Variants in ANKRD17 observed in about 807,000 individuals in gnomAD.
ANKRD17 encodes ankyrin repeat domain-containing protein 17.
Under a neutral mutation model 229.7 loss-of-function variants are expected in ANKRD17, and 19 were observed. That is an observed-to-expected ratio of 0.08 (90% CI 0.06 to 0.12). The LOEUF (loss-of-function observed/expected upper bound fraction) is 0.12. Among genes scored for constraint, ANKRD17 ranks in the 10% least tolerant of loss-of-function variants. ANKRD17 has a pLI of 1.00. For synonymous variants in ANKRD17, 1,112 were observed against 1,146.1 expected (o/e 0.97, Z 0.60); for missense variants, 2,176 against 3,176.8 (o/e 0.68, Z 7.57).
chr4:73,113,063 C>T, intron 24 of ANKRD17: 1 of 1,146,378 alleles, frequency 8.7e-7, no homozygotes, highest in South Asian at 1.8e-5. Flanking sequence ...GCTGGGAATA[C>T]AGGCGTGAGC....
intron 7 of ANKRD17, among the ~76,000 whole-genome samples, chr4:73,150,790 T>A (rs1560601811): frequency 6.6e-6 from 1 of 152,106 alleles, no homozygotes. Context: ...GTGTCATAAA[T>A]AAACAAAGAT....
At chr4:73,077,998 C>T (rs1394027216) in intron 31 of ANKRD17, among the ~76,000 whole-genome samples, 2 of 151,500 alleles carry the variant, frequency 1.3e-5, no homozygotes, top group African/African-American at 4.8e-5. Context: ...GCCTGTAATG[C>T]CAGCACTTTG....
intron 16 of ANKRD17, among the ~76,000 whole-genome samples, chr4:73,129,189 T>C (rs1727859432): frequency 6.6e-6 from 1 of 152,204 alleles, no homozygotes; most frequent in Non-Finnish European, 1.5e-5. Flanking sequence ...TGCCATAATA[T>C]ATACACCATT....
chr4:73,173,561 A>G (rs565958516), intron 2 of ANKRD17, among the ~76,000 whole-genome samples: 1 of 152,312 alleles, frequency 6.6e-6, no homozygotes, highest in East Asian at 1.9e-4. Flanking sequence ...GAAAACCAAA[A>G]TAATTCACAG....
intron 22 of ANKRD17, among the ~76,000 whole-genome samples, chr4:73,116,899 T>C (rs1172654774): frequency 6.6e-6 from 1 of 152,018 alleles, no homozygotes; most frequent in Non-Finnish European, 1.5e-5. Context: ...AGCCCACAGT[T>C]GCACATGTTA....
chr4:73,236,100 C>A (rs1043533081), intron 1 of ANKRD17, among the ~76,000 whole-genome samples: 8 of 152,088 alleles, frequency 5.3e-5, no homozygotes, highest in African/African-American at 1.9e-4. Flanking sequence ...GTTGTGATTA[C>A]TGGGGACAGA....
At chr4:73,236,334 T>C (rs182473375) in intron 1 of ANKRD17, among the ~76,000 whole-genome samples, 1 of 152,202 alleles carries the variant, frequency 6.6e-6, no homozygotes, top group East Asian at 1.9e-4. Context: ...TTTTAAATTT[T>C]TGTAGAGATG....
chr4:73,113,424 T>C, intron 24 of ANKRD17: 2 of 1,263,512 alleles, frequency 1.6e-6, no homozygotes, highest in South Asian at 2.5e-5. Context: ...TTGGTACTTG[T>C]GATAAACCTG....
rs111686688 is a variant in ANKRD17, at chr4:73,102,871, T to C, written c.4402-324A>G. 337 of 228,532 alleles carry C rather than the reference T, an allele frequency of 1.5e-3. 5 individuals are homozygous for C. The South Asian group carries it at 0.016, about 11-fold the overall frequency. 14.2% of individuals were successfully genotyped at this position (228,532 alleles called of 1,614,324 possible). ...ATTAATTTGGCGAAATTTAAAAAGG[T>C]ATCAGATATCAGCACAAGTTTGAGA... is the stretch of plus-strand genomic sequence containing the variant. On this transcript the variant is annotated intron_variant, in intron 24 of 33. Transcript: ENST00000358602.
chr4:73,201,677 T>C (rs571615775), intron 1 of ANKRD17, among the ~76,000 whole-genome samples: 1 of 152,330 alleles, frequency 6.6e-6, no homozygotes, highest in South Asian at 2.1e-4. Flanking sequence ...TATGAGATTT[T>C]GTAATTAAGT....
Position 73,076,735 on chromosome 4 carries a change from T to C in ANKRD17, c.7752+205A>G, listed in dbSNP as rs546910638. On this transcript the variant is annotated intron_variant, in intron 33 of 33. Transcript: ENST00000358602. ...ATTTATTATCTGCTACCCAGTAGAATATACAATACCTTTCATAATTTTAGC... is the reference window on the plus strand; with the variant it reads ...ATTTATTATCTGCTACCCAGTAGAACATACAATACCTTTCATAATTTTAGC... Among the ~76,000 whole-genome samples, 18 of 152,318 alleles carry C rather than the reference T, an allele frequency of 1.2e-4. No individual in the cohort carries two copies. The South Asian group carries it at 3.5e-3, about 30-fold the overall frequency.
chr4:73,226,532 T>G (rs1309894725), intron 1 of ANKRD17, among the ~76,000 whole-genome samples: 2 of 151,680 alleles, frequency 1.3e-5, no homozygotes, highest in Non-Finnish European at 2.9e-5. Context: ...CGGCTGGGAT[T>G]ACAGGCGCCT....
intron 1 of ANKRD17, among the ~76,000 whole-genome samples, chr4:73,234,766 G>C (rs1743352890): frequency 6.6e-6 from 1 of 152,198 alleles, no homozygotes; most frequent in Non-Finnish European, 1.5e-5. Flanking sequence ...ACTTTCTTAA[G>C]AGAATGATTC....
chr4:73,090,675 C>T lies in ANKRD17; in HGVS notation c.6953G>A (p.Ser2318Asn). 6.2e-7 allele frequency: 1 copy of T among 1,614,156 alleles called. No homozygotes were observed. The highest frequency in any genetic ancestry group is 8.5e-7 in the Non-Finnish European group (1 of 1,180,026). ...FRPPLQRPAP[S>N]PSGIVNMDSP... The stretch of plus-strand genomic sequence containing the variant: ...AGAAAATATAAACTCACCTGAGGGA[C>T]TTGGAGCAGGTCTCTGTAATGGTGG... Residue 2318 changes from serine to asparagine, a missense_variant, in exon 29 of 34, where the codon AGT becomes AAT. Physicochemically the swap from Ser to Asn is conservative, Grantham distance 46 (BLOSUM62 1). Around this residue, in one of 18 missense-constraint regions of ANKRD17, gnomAD observed 424 missense variants for 454.0 expected, o/e 0.93. Coordinates refer to ENST00000358602, the MANE Select transcript of ANKRD17 (RefSeq NM_032217.5).
chr4:73,117,543 A>G (rs1726122261), intron 22 of ANKRD17, among the ~76,000 whole-genome samples: 1 of 152,354 alleles, frequency 6.6e-6, no homozygotes. Context: ...GATTGCTGAG[A>G]AACAAAAATA....
chr4:73,136,440 A>T (rs1385166541), intron 15 of ANKRD17, among the ~76,000 whole-genome samples: 1 of 152,154 alleles, frequency 6.6e-6, no homozygotes. Flanking sequence ...ATTTTACATG[A>T]AATCCTTAGT....
chr4:73,243,437 T>C lies in ANKRD17; in HGVS notation c.393+14839A>G, dbSNP rs530532618. 5.5e-4 allele frequency among the ~76,000 whole-genome samples: 83 copies of C among 152,218 alleles called. 1 individual carries two copies. The South Asian group carries it at 0.016, about 29-fold the overall frequency. On this transcript the variant is annotated intron_variant, in intron 1 of 33. Transcript: ENST00000358602. Reference sequence around the variant, plus strand: ...GAGAGAAGGAGAAAAATTCAAGACATATTTTGGAGGTAGAATGGACCTCTC... The same window carrying C: ...GAGAGAAGGAGAAAAATTCAAGACACATTTTGGAGGTAGAATGGACCTCTC...
chr4:73,183,002 G>C lies in ANKRD17; in HGVS notation c.394-5469C>G, dbSNP rs183979476. Among the ~76,000 whole-genome samples, 749 of 152,218 alleles carry C rather than the reference G, an allele frequency of 4.9e-3. 3 individuals carry two copies. The highest frequency in any genetic ancestry group is 9.7e-3 in the Admixed American group (149 of 15,298). Reference sequence around the variant, plus strand: ...AACAACAACAACAAAAATCATGAAGGAGAAAGAGGTTGAGAATCACTGGGT... The same window carrying C: ...AACAACAACAACAAAAATCATGAAGCAGAAAGAGGTTGAGAATCACTGGGT... On this transcript the variant is annotated intron_variant, in intron 1 of 33. Coordinates refer to ENST00000358602, the MANE Select transcript of ANKRD17 (RefSeq NM_032217.5).
At chr4:73,191,139 C>T (rs1174546692) in intron 1 of ANKRD17, among the ~76,000 whole-genome samples, 1 of 151,950 alleles carries the variant, frequency 6.6e-6, no homozygotes, top group East Asian at 1.9e-4. Context: ...GGGAGGGATG[C>T]CCTACCAGAT....
Sources: gnomAD v4.1 joint callset for allele counts (sites outside exome capture counted in the v4.1 genomes callset) on GRCh38, gnomAD v4.1.1 for gene constraint, gnomAD v4.1.1 regional missense constraint, MANE v1.5 for transcripts, NCBI Gene and HGNC (gene_info 2026-07-23, HGNC 2026-07-21) for gene names.